The following KLHL25 variants were observed in gnomAD, a reference collection of about 807,000 sequenced individuals.
The protein encoded by KLHL25 is kelch-like protein 25.
In KLHL25, 41 loss-of-function variants were observed where a neutral mutation model predicts 30.0. That is an observed-to-expected ratio of 1.37 (90% CI 1.07 to 1.78). The LOEUF (loss-of-function observed/expected upper bound fraction) is 1.78. Among genes scored for constraint, KLHL25 ranks in the 40% most tolerant of loss-of-function variants. The pLI is 0.00. For missense variants in KLHL25, 971 were observed against 824.5 expected (o/e 1.18, Z -2.18); for synonymous variants, 399 against 355.3 (o/e 1.12, Z -1.38).
chr15:85,777,679 T>C (rs899983516), intron 1 of KLHL25, among the ~76,000 whole-genome samples: 1 of 152,088 alleles, frequency 6.6e-6, no homozygotes, highest in African/African-American at 2.4e-5. Context: ...GTGGGAGCTG[T>C]GATTACAAGT....
chr15:85,772,012 G>A (rs1243713624), intron 1 of KLHL25, among the ~76,000 whole-genome samples: 7 of 152,222 alleles, frequency 4.6e-5, no homozygotes, highest in Middle Eastern at 3.4e-3. Context: ...CAGACCCTGC[G>A]ACATTTCCCC....
At chr15:85,765,347 C>T (rs182114445) in intron 2 of KLHL25, among the ~76,000 whole-genome samples, 58 of 152,114 alleles carry the variant, frequency 3.8e-4, no homozygotes, top group Admixed American at 7.9e-4. Context: ...AAAAGAAGAC[C>T]GGGCACGAAG....
intron 2 of KLHL25, among the ~76,000 whole-genome samples, chr15:85,766,470 C>T (rs971354794): frequency 6.6e-6 from 1 of 152,082 alleles, no homozygotes; most frequent in African/African-American, 2.4e-5. Context: ...GCCAGGCTGG[C>T]CGGGATACCC....
intron 1 of KLHL25, among the ~76,000 whole-genome samples, chr15:85,792,050 T>C (rs1407459823): frequency 6.6e-6 from 1 of 152,178 alleles, no homozygotes; most frequent in Non-Finnish European, 1.5e-5. Flanking sequence ...TATGGGATGA[T>C]TATGCCTTGA....
chr15:85,783,321 T>C (rs1289284405), intron 1 of KLHL25, among the ~76,000 whole-genome samples: 2 of 151,856 alleles, frequency 1.3e-5, no homozygotes, highest in Admixed American at 1.3e-4. Flanking sequence ...CTCGAACTCC[T>C]GACCTCAGGT....
At chr15:85,784,862 A>G (rs1457605530) in intron 1 of KLHL25, among the ~76,000 whole-genome samples, 1 of 152,216 alleles carries the variant, frequency 6.6e-6, no homozygotes, top group East Asian at 1.9e-4. Context: ...CTTCCAGCCT[A>G]CAGAACTGTG....
chr15:85,775,219 A>C (rs1022407578), intron 1 of KLHL25, among the ~76,000 whole-genome samples: 1 of 152,178 alleles, frequency 6.6e-6, no homozygotes, highest in Admixed American at 6.5e-5. Context: ...GCAGTGTACC[A>C]GTCTCTGGGT....
At chr15:85,775,597 G>A (rs144691586) in intron 1 of KLHL25, among the ~76,000 whole-genome samples, 6 of 152,232 alleles carry the variant, frequency 3.9e-5, no homozygotes, top group Admixed American at 2.6e-4. Flanking sequence ...CAGACTCAAC[G>A]CCACATTCTT....
In KLHL25 at chr15:85,768,772, C is replaced by T; in HGVS notation, c.1039G>A (p.Gly347Ser). The T allele has an allele frequency of 6.2e-7, 1 of 1,613,060 alleles. No homozygotes were observed. The highest frequency in any genetic ancestry group is 8.5e-7 in the Non-Finnish European group (1 of 1,179,940). Residue 347 changes from glycine (G) to serine (S), a missense_variant, in exon 2 of 3, where the codon GGC becomes AGC. Gly to Ser is a moderately conservative substitution (Grantham distance 56). Transcript: ENST00000337975. ...AIGCKVYVTG[G>S]RGSENGVSKD... ...GAGACCCCGTTCTCGGAGCCCCTGC[C>T]CCCCGTCACATAGACCTTGCAGCCG...
At chr15:85,774,687 C>T (rs527953937) in intron 1 of KLHL25, among the ~76,000 whole-genome samples, 4 of 152,102 alleles carry the variant, frequency 2.6e-5, no homozygotes, top group East Asian at 1.9e-4. Context: ...AGGCTCAAAA[C>T]GAGGGTGTCA....
chr15:85,783,674 A>G (rs914520684), intron 1 of KLHL25, among the ~76,000 whole-genome samples: 4 of 145,584 alleles, frequency 2.7e-5, no homozygotes, highest in Non-Finnish European at 6.0e-5. Flanking sequence ...CCTGGGTGAC[A>G]GAGCAAGACT....
At chr15:85,781,011 G>C (rs2089739349) in intron 1 of KLHL25, among the ~76,000 whole-genome samples, 1 of 151,952 alleles carries the variant, frequency 6.6e-6, no homozygotes, top group African/African-American at 2.4e-5. Flanking sequence ...TACACGCACA[G>C]AGTGGAGTTC....
intron 2 of KLHL25, chr15:85,762,422 C>T (rs2089589122): frequency 6.6e-6 from 1 of 151,718 alleles, no homozygotes; most frequent in Non-Finnish European, 1.5e-5. Flanking sequence ...AGCCTCGGGG[C>T]CAGGCTCCTG....
intron 1 of KLHL25, among the ~76,000 whole-genome samples, chr15:85,774,611 G>C (rs2089697773): frequency 6.6e-6 from 1 of 152,176 alleles, no homozygotes; most frequent in Admixed American, 6.5e-5. Flanking sequence ...GTCTCAGGAA[G>C]GCCTGACTTA....
chr15:85,783,428 A>T (rs961570721), intron 1 of KLHL25, among the ~76,000 whole-genome samples: 3 of 151,910 alleles, frequency 2.0e-5, no homozygotes, highest in Non-Finnish European at 4.4e-5. Flanking sequence ...GTGATGGTTC[A>T]TGCCTATAAT....
chr15:85,776,450 C>T (rs2089709727), intron 1 of KLHL25, among the ~76,000 whole-genome samples: 1 of 152,034 alleles, frequency 6.6e-6, no homozygotes, highest in African/African-American at 2.4e-5. Context: ...GATCGTGCCA[C>T]TGCACTCCAG....
chr15:85,770,201 A>G (rs2089661881), intron 1 of KLHL25, among the ~76,000 whole-genome samples: 1 of 152,196 alleles, frequency 6.6e-6, no homozygotes, highest in Non-Finnish European at 1.5e-5. Flanking sequence ...CTTTGACCAC[A>G]TTCCACTCTC....
intron 1 of KLHL25, among the ~76,000 whole-genome samples, chr15:85,787,085 G>C (rs1202560893): frequency 1.3e-5 from 2 of 151,990 alleles, no homozygotes; most frequent in African/African-American, 4.8e-5. Flanking sequence ...TTTTTTTAAT[G>C]GAACAATGAG....
intron 2 of KLHL25, among the ~76,000 whole-genome samples, chr15:85,766,749 C>T (rs944947347): frequency 2.6e-5 from 4 of 152,188 alleles, no homozygotes; most frequent in Admixed American, 6.5e-5. Context: ...CACAGACACT[C>T]GCTCTGCAGG....
Sources: allele counts gnomAD v4.1 joint callset (sites outside exome capture counted in the v4.1 genomes callset), GRCh38; gene constraint gnomAD v4.1.1; transcripts MANE v1.5; gene names NCBI Gene and HGNC (gene_info 2026-07-23, HGNC 2026-07-21).